The following RAP1GAP2 variants were observed in gnomAD, a reference collection of about 807,000 sequenced individuals.
RAP1GAP2 encodes rap1 GTPase-activating protein 2.
Under a neutral mutation model 95.0 loss-of-function variants are expected in RAP1GAP2, and 27 were observed. The ratio of observed to expected loss-of-function variants is 0.28; its 90% CI spans 0.21 to 0.39. The LOEUF is 0.39. RAP1GAP2 is among the 10% of genes least tolerant of loss of function. The pLI is 1.00. For synonymous variants in RAP1GAP2, 373 were observed against 380.9 expected, an observed-to-expected ratio of 0.98 and a Z score of 0.24; for missense variants, 771 against 970.0, an observed-to-expected ratio of 0.79 and a Z score of 2.72.
intron 8 of RAP1GAP2, among the ~76,000 whole-genome samples, chr17:2,970,291 A>ATAAT (rs1373374435): frequency 7.2e-6 from 1 of 138,088 alleles, no homozygotes; most frequent in African/African-American, 3.0e-5. Context: ...AAAAAAAAAA[A>ATAAT]AAAAATAATA....
Position 3,020,343 on chromosome 17 carries a change from A to G in RAP1GAP2, c.1633-134A>G, listed in dbSNP as rs960403039. Reference sequence around the variant, plus strand: ...CTCAGCTTCAGTTACATAGATCTCAACCTTCCTAGCTGTCTTGCTATTTTC... The same window carrying G: ...CTCAGCTTCAGTTACATAGATCTCAGCCTTCCTAGCTGTCTTGCTATTTTC... On this transcript the variant is annotated intron_variant, in intron 18 of 24. Transcript: ENST00000254695. The G allele has an allele frequency of 7.6e-5, 53 of 694,330 alleles. No individual in the cohort carries two copies. In the East Asian group the frequency reaches 1.0e-3, roughly 13 times the overall value. The allele number at this position is 694,330 out of a possible 1,614,324, so 43.0% of individuals were successfully genotyped here.
In RAP1GAP2 at chr17:3,004,202, C is replaced by T. The variant is rs1458752376; in HGVS notation, c.1201-1167C>T. The stretch of plus-strand genomic sequence containing the variant: ...ACCGGGTTCAGCTGCTGGAGCCCAG[C>T]CAGAAATCACGTCAGCCGAACGCGC... On this transcript the variant is annotated intron_variant, in intron 14 of 24. Transcript: ENST00000254695. This position sits in a 1 kb window ranked among gnomAD's most constrained non-coding sequence, Gnocchi z 4.1. Among the ~76,000 whole-genome samples, 1 of 152,228 alleles carries T rather than the reference C, an allele frequency of 6.6e-6. No homozygotes were observed. Among genetic ancestry groups the T allele is most frequent in the Non-Finnish European group, 1.5e-5 (1 of 68,042 alleles).
At chr17:2,877,484 A>G (rs1454772004) in intron 2 of RAP1GAP2, among the ~76,000 whole-genome samples, 3 of 152,108 alleles carry the variant, frequency 2.0e-5, no homozygotes, top group Non-Finnish European at 4.4e-5. Context: ...GTGGTGGCTC[A>G]CACCTGTAAT....
intron 3 of RAP1GAP2, among the ~76,000 whole-genome samples, chr17:2,920,283 G>A (rs1213596871): frequency 7.2e-5 from 11 of 152,150 alleles, no homozygotes; most frequent in Non-Finnish European, 1.5e-4. Context: ...GTTGGTGAGG[G>A]CTCGGCTCTG....
At chr17:2,798,850 A>C (rs1361316653) in intron 1 of RAP1GAP2, among the ~76,000 whole-genome samples, 1 of 152,096 alleles carries the variant, frequency 6.6e-6, no homozygotes, top group Non-Finnish European at 1.5e-5. Context: ...GGCTGCTGTG[A>C]CCACGGTGCC....
At position 2,933,492 on chromosome 17, in the gene RAP1GAP2, G is replaced by A. The variant is rs57458676; in HGVS notation, c.166-24267G>A. On this transcript the variant is annotated intron_variant, in intron 3 of 24. Coordinates refer to ENST00000254695, the MANE Select transcript of RAP1GAP2 (RefSeq NM_015085.5). ...GCTTGGAGCGAAGCAGAGATTTTCC[G>A]GGAGGCCAACACCTCCCTTTTCTCC... Among the ~76,000 whole-genome samples the A allele has an allele frequency of 2.8e-3, 424 of 152,266 alleles. 11 individuals carry two copies. The East Asian group carries it at 0.059, about 21-fold the overall frequency.
intron 3 of RAP1GAP2, among the ~76,000 whole-genome samples, chr17:2,926,945 G>A (rs2042973935): frequency 7.1e-6 from 1 of 141,658 alleles, no homozygotes; most frequent in Non-Finnish European, 1.5e-5. Context: ...GGCGGAGGTT[G>A]CAGTGAGCTG....
chr17:2,975,233 A>AAAAAAG lies in RAP1GAP2; in HGVS notation c.597-5035_597-5030dup, dbSNP rs61021571. ...GTGACAGAGCAAGACTGCGTCTCAA[A>AAAAAAG]AAAAAGAAAAAGAAAAAGAAAAAGT... On this transcript the variant is annotated intron_variant, in intron 8 of 24. Coordinates refer to ENST00000254695, the MANE Select transcript of RAP1GAP2 (RefSeq NM_015085.5). 9.2e-5 allele frequency among the ~76,000 whole-genome samples: 14 copies of AAAAAAG among 151,996 alleles called. No individual in the cohort carries two copies. The East Asian group carries it at 2.1e-3, about 23-fold the overall frequency.
At chr17:2,771,466 C>T (rs2068392150) in intron 2 of RAP1GAP2, among the ~76,000 whole-genome samples, 1 of 151,770 alleles carries the variant, frequency 6.6e-6, no homozygotes, top group African/African-American at 2.4e-5. Context: ...TTCCACTTTC[C>T]CCATCAAAGC....
Position 3,005,456 on chromosome 17 carries a change from T to C in RAP1GAP2, c.1272+16T>C, listed in dbSNP as rs1352131785. The stretch of plus-strand genomic sequence containing the variant: ...TTTCCAGAAGGTAGGACACTCTTCC[T>C]TCTGCCCCTCTCGCATCCACGATGC... On this transcript the variant is annotated intron_variant, in intron 15 of 24. Coordinates refer to ENST00000254695, the MANE Select transcript of RAP1GAP2 (RefSeq NM_015085.5). This position sits in a 1 kb window ranked among gnomAD's most constrained non-coding sequence, Gnocchi z 5.2. The C allele has an allele frequency of 1.9e-6, 3 of 1,606,392 alleles. No homozygotes were observed. The highest frequency in any genetic ancestry group is 2.6e-6 in the Non-Finnish European group (3 of 1,172,988).
intron 11 of RAP1GAP2, among the ~76,000 whole-genome samples, chr17:2,986,922 T>C (rs576059323): frequency 1.7e-4 from 26 of 152,302 alleles, no homozygotes; most frequent in Non-Finnish European, 1.9e-4. Context: ...CTGGGGCAAG[T>C]AGGACATGTG....
chr17:2,886,170 TA>T (rs1457582526), intron 2 of RAP1GAP2, among the ~76,000 whole-genome samples: 53 of 124,614 alleles, frequency 4.3e-4, no homozygotes, highest in African/African-American at 6.6e-4. Flanking sequence ...TGTATATATA[TA>T]TTTTTTTTTT....
chr17:2,872,213 C>CA (rs562587177), intron 2 of RAP1GAP2, among the ~76,000 whole-genome samples: 19,028 of 75,510 alleles, frequency 0.25, 3,809 homozygotes, highest in African/African-American at 0.52. Flanking sequence ...GCCTCTGTCT[C>CA]AAAAAAAAAA....
rs547532929 is a variant in RAP1GAP2 at position 2,965,274 on chromosome 17, T to C, written c.493-266T>C. 4.2e-6 allele frequency: 2 copies of C among 479,634 alleles called. No individual in the cohort carries two copies. The highest frequency in any genetic ancestry group is 3.7e-5 in the East Asian group (1 of 27,072). The allele number at this position is 479,634 out of a possible 1,614,324, so 29.7% of individuals were successfully genotyped here. ...AACCCCCCGACCATTGGTTTTCCCA[T>C]CTGTGAAATGGGGATGATGTTCTCT... On this transcript the variant is annotated intron_variant, in intron 7 of 24. Coordinates refer to ENST00000254695, the MANE Select transcript of RAP1GAP2 (RefSeq NM_015085.5). This position sits in a 1 kb window ranked among gnomAD's most constrained non-coding sequence, Gnocchi z 4.7.
At chr17:2,974,141 A>T (rs1942242469) in intron 8 of RAP1GAP2, among the ~76,000 whole-genome samples, 1 of 151,130 alleles carries the variant, frequency 6.6e-6, no homozygotes, top group South Asian at 2.1e-4. Flanking sequence ...GGAGATCGAG[A>T]CCATCCTGGC....
chr17:3,008,258 G>C lies in RAP1GAP2; in HGVS notation c.1494+113G>C. Reference sequence around the variant, plus strand: ...CAGAGCCCAAGGGCCAGCTGGAGGGGTGACAGGAAACGTATGGGTATCCTA... The same window carrying C: ...CAGAGCCCAAGGGCCAGCTGGAGGGCTGACAGGAAACGTATGGGTATCCTA... On this transcript the variant is annotated intron_variant, in intron 17 of 24. Transcript: ENST00000254695. The surrounding 1 kb of genome is among the most constrained non-coding windows in gnomAD (Gnocchi z 4.2). The C allele has an allele frequency of 6.7e-7, 1 of 1,484,140 alleles. No homozygotes were observed. The highest frequency in any genetic ancestry group is 1.3e-5 in the South Asian group (1 of 78,352). The allele number at this position is 1,484,140 out of a possible 1,614,324, so 91.9% of individuals were successfully genotyped here. A position where few individuals can be genotyped will look rare whatever the true frequency, so the allele number is the denominator to read the frequency against.
intron 1 of RAP1GAP2, among the ~76,000 whole-genome samples, chr17:2,757,275 C>T (rs978506152): frequency 8.6e-5 from 13 of 151,866 alleles, no homozygotes; most frequent in African/African-American, 2.9e-4. Context: ...TGGGCCATCA[C>T]GCCCAGCTAA....
Position 2,857,117 on chromosome 17 carries a change from T to G in RAP1GAP2, c.81-48167T>G, listed in dbSNP as rs2072172825. 6.6e-6 allele frequency among the ~76,000 whole-genome samples: 1 copy of G among 152,148 alleles called. No individual in the cohort carries two copies. The highest frequency in any genetic ancestry group is 6.5e-5 in the Admixed American group (1 of 15,274). On this transcript the variant is annotated intron_variant, in intron 2 of 24. Coordinates refer to ENST00000254695, the MANE Select transcript of RAP1GAP2 (RefSeq NM_015085.5). This position sits in a 1 kb window ranked among gnomAD's most constrained non-coding sequence, Gnocchi z 4.0. The stretch of plus-strand genomic sequence containing the variant: ...GAGCTCTTCCTTCCACCACCTCTCA[T>G]CACAAGGTGGGGTCAGGCTCAGGCC...
At position 2,866,397 on chromosome 17, in the gene RAP1GAP2, C is replaced by T. The variant is rs2072613563; in HGVS notation, c.81-38887C>T. On this transcript the variant is annotated intron_variant, in intron 2 of 24. Coordinates refer to ENST00000254695, the MANE Select transcript of RAP1GAP2 (RefSeq NM_015085.5). The surrounding 1 kb of genome is among the most constrained non-coding windows in gnomAD (Gnocchi z 4.0). ...GGGAGGCTTCCCTGCTCCCCGCCTC[C>T]CCTAGACTCAGGGCAGTTGGTACCC... 6.6e-6 allele frequency among the ~76,000 whole-genome samples: 1 copy of T among 152,160 alleles called. No individual in the cohort carries two copies. The highest frequency in any genetic ancestry group is 1.5e-5 in the Non-Finnish European group (1 of 68,038).
Sources: gnomAD v4.1 joint callset for allele counts (sites outside exome capture counted in the v4.1 genomes callset) on GRCh38, gnomAD v4.1.1 for gene constraint, Gnocchi (gnomAD v3.1) non-coding constraint, MANE v1.5 for transcripts, NCBI Gene and HGNC (gene_info 2026-07-23, HGNC 2026-07-21) for gene names.